KIAA0825: variants seen among roughly 807,000 people sequenced by gnomAD.
KIAA0825 encodes uncharacterized protein KIAA0825.
A neutral mutation model predicts 147.6 loss-of-function variants in KIAA0825; 119 were observed. That is an observed-to-expected ratio of 0.81 (90% CI 0.69 to 0.94). KIAA0825 has a LOEUF of 0.94. Among genes scored for constraint, KIAA0825 ranks in the 40% least tolerant of loss-of-function variants. KIAA0825 has a pLI of 0.00. For missense variants in KIAA0825, 1,381 were observed against 1,472.7 expected, an observed-to-expected ratio of 0.94 and a Z score of 1.02; for synonymous variants, 470 against 518.1, an observed-to-expected ratio of 0.91 and a Z score of 1.26.
intron 13 of KIAA0825, among the ~76,000 whole-genome samples, chr5:94,446,020 T>C (rs1327320403): frequency 1.3e-5 from 2 of 152,144 alleles, no homozygotes; most frequent in African/African-American, 4.8e-5. Flanking sequence ...CAAAAACTCT[T>C]TTTGTCCTCC....
intron 20 of KIAA0825, among the ~76,000 whole-genome samples, chr5:94,173,452 C>T (rs1768816020): frequency 6.6e-6 from 1 of 150,624 alleles, no homozygotes. Flanking sequence ...CCTCAGCTAA[C>T]ATGGTCACCA....
chr5:94,206,708 C>A (rs1772233325), intron 20 of KIAA0825, among the ~76,000 whole-genome samples: 1 of 152,156 alleles, frequency 6.6e-6, no homozygotes, highest in Admixed American at 6.5e-5. Context: ...TTTCCTGAAA[C>A]TCACACTATG....
intron 20 of KIAA0825, among the ~76,000 whole-genome samples, chr5:94,306,971 A>G (rs1031951298): frequency 1.1e-4 from 16 of 151,856 alleles, no homozygotes; most frequent in African/African-American, 3.9e-4. Flanking sequence ...CGTAGGGCTT[A>G]GGTTCATGTA....
chr5:94,558,908 C>T (rs1584887630), intron 2 of KIAA0825, among the ~76,000 whole-genome samples: 1 of 152,178 alleles, frequency 6.6e-6, no homozygotes, highest in East Asian at 1.9e-4. Context: ...ACAAACAGAT[C>T]TTGCTAAATT....
In KIAA0825 at chr5:94,210,339, C is replaced by T. The variant is rs190425790; in HGVS notation, c.3711-56215G>A. ...AACTGCTTCATTCAAGGCTAGTGCA[C>T]TTGCTGCTGCAGAAGAAAATCCTTA... is the stretch of plus-strand genomic sequence containing the variant. On this transcript the variant is annotated intron_variant, in intron 20 of 20. Transcript: ENST00000682413. Among the ~76,000 whole-genome samples, 3 of 152,292 alleles carry T rather than the reference C, an allele frequency of 2.0e-5. No homozygotes were observed. The East Asian group carries it at 5.8e-4, about 29-fold the overall frequency.
chr5:94,591,307 T>A (rs1784312647), intron 1 of KIAA0825, among the ~76,000 whole-genome samples: 1 of 152,174 alleles, frequency 6.6e-6, no homozygotes, highest in African/African-American at 2.4e-5. Context: ...CAATTGAAGG[T>A]TTGCTCAAGA....
At chr5:94,531,461 T>C (rs573885442) in intron 3 of KIAA0825, among the ~76,000 whole-genome samples, 3 of 152,208 alleles carry the variant, frequency 2.0e-5, no homozygotes, top group East Asian at 1.9e-4. Context: ...AGTGGGAGAA[T>C]TGGAAAAGTT....
chr5:94,586,005 T>TAACATACCCGA (rs1783202872), intron 1 of KIAA0825, among the ~76,000 whole-genome samples: 1 of 151,996 alleles, frequency 6.6e-6, no homozygotes, highest in Non-Finnish European at 1.5e-5. Context: ...AACAAAGACA[T>TAACATACCCGA]AACATACCCG....
chr5:94,533,504 T>A (rs1771340800), intron 3 of KIAA0825, among the ~76,000 whole-genome samples: 1 of 151,628 alleles, frequency 6.6e-6, no homozygotes, highest in Non-Finnish European at 1.5e-5. Flanking sequence ...CTCGAACTCC[T>A]GACTTTGTGA....
chr5:94,562,005 G>A (rs1777639959), intron 2 of KIAA0825, among the ~76,000 whole-genome samples: 3 of 152,084 alleles, frequency 2.0e-5, no homozygotes, highest in African/African-American at 4.8e-5. Flanking sequence ...AACTATGTAA[G>A]CCATTTTTAA....
chr5:94,602,108 G>C (rs1230818939), intron 1 of KIAA0825, among the ~76,000 whole-genome samples: 1 of 152,180 alleles, frequency 6.6e-6, no homozygotes, highest in African/African-American at 2.4e-5. Context: ...CCAGCACTTT[G>C]GGAGGCCAAG....
At chr5:94,393,130 A>C (rs373343570) in intron 17 of KIAA0825, among the ~76,000 whole-genome samples, 19 of 152,318 alleles carry the variant, frequency 1.2e-4, no homozygotes, top group South Asian at 8.3e-4. Context: ...GATTGGATTC[A>C]GTCAATGCTA....
chr5:94,297,321 A>G (rs1479304132), intron 20 of KIAA0825, among the ~76,000 whole-genome samples: 3 of 152,250 alleles, frequency 2.0e-5, no homozygotes, highest in Non-Finnish European at 2.9e-5. Context: ...TGAGATAAAG[A>G]TGAAGAAACA....
chr5:94,485,340 G>A (rs1214674511), intron 5 of KIAA0825, among the ~76,000 whole-genome samples: 2 of 151,570 alleles, frequency 1.3e-5, no homozygotes, highest in Admixed American at 1.3e-4. Context: ...AAGTACAAAG[G>A]CCAGGAAATG....
At chr5:94,343,339 T>C (rs1782635148) in intron 20 of KIAA0825, among the ~76,000 whole-genome samples, 1 of 152,214 alleles carries the variant, frequency 6.6e-6, no homozygotes, top group Admixed American at 6.5e-5. Context: ...AAGGTTGTCT[T>C]ATAAATCTTT....
chr5:94,408,391 C>T (rs556276105), intron 15 of KIAA0825, among the ~76,000 whole-genome samples: 1 of 151,804 alleles, frequency 6.6e-6, no homozygotes, highest in Non-Finnish European at 1.5e-5. Context: ...CTCTTGTTGC[C>T]CAGGCTGGAA....
At chr5:94,533,721 C>G (rs1436812995) in intron 3 of KIAA0825, among the ~76,000 whole-genome samples, 1 of 152,198 alleles carries the variant, frequency 6.6e-6, no homozygotes, top group Non-Finnish European at 1.5e-5. Flanking sequence ...TAATGTTTCT[C>G]TTTGGCATGT....
At chr5:94,475,820 G>C (rs1475409482) in intron 7 of KIAA0825, among the ~76,000 whole-genome samples, 1 of 147,946 alleles carries the variant, frequency 6.8e-6, no homozygotes, top group African/African-American at 2.4e-5. Context: ...AAAAAGAAAA[G>C]AAAAGAAAAG....
At chr5:94,292,974 T>G (rs1368926317) in intron 20 of KIAA0825, among the ~76,000 whole-genome samples, 3 of 152,176 alleles carry the variant, frequency 2.0e-5, no homozygotes, top group Admixed American at 6.5e-5. Flanking sequence ...TTATCATTTT[T>G]TATTGTGTCT....
Sources: allele counts gnomAD v4.1 joint callset (sites outside exome capture counted in the v4.1 genomes callset), GRCh38; gene constraint gnomAD v4.1.1; transcripts MANE v1.5; gene names NCBI Gene and HGNC (gene_info 2026-07-23, HGNC 2026-07-21).